Variants in LAMB2 observed in about 807,000 individuals in gnomAD.
The protein encoded by LAMB2 is laminin subunit beta-2.
LAMB2 carries 119 observed loss-of-function variants against 202.7 expected under a neutral mutation model. The observed-to-expected ratio is 0.59, with a 90% CI of 0.51 to 0.68. The LOEUF (loss-of-function observed/expected upper bound fraction) is 0.68. LAMB2 is among the 30% of genes least tolerant of loss of function. The pLI, the probability that LAMB2 is intolerant of heterozygous loss-of-function variation, is 0.00. For missense variants in LAMB2, 2,124 were observed against 2,410.6 expected, an observed-to-expected ratio of 0.88 and a Z score of 2.49; for synonymous variants, 818 against 902.2, an observed-to-expected ratio of 0.91 and a Z score of 1.67.
Position 49,128,539 on chromosome 3 carries a change from C to T in LAMB2, c.1937G>A (p.Gly646Glu), listed in dbSNP as rs773609162. The T allele has an allele frequency of 9.9e-6, 16 of 1,614,062 alleles. No homozygotes were observed. In the African/African-American group the frequency reaches 2.1e-4, roughly 22 times the overall value. The part of the protein sequence containing the change: ...AELELIVQRP[G>E]PVPAHSLCGH... ...ACACAGGCTGTGGGCAGGCACAGGC[C>T]CTGGACGCTGCACAATCAGTTCCAA... is the stretch of plus-strand genomic sequence containing the variant. The change falls in exon 15 of 32, where the codon GGG becomes GAG. Residue 646 changes from glycine to glutamate, a missense_variant. Physicochemically the swap from Gly to Glu is moderately conservative, Grantham distance 98. Around this residue, in one of 3 missense-constraint regions of LAMB2, gnomAD observed 1,702 missense variants for 1,896.3 expected, o/e 0.90. Coordinates refer to ENST00000305544, the MANE Select transcript of LAMB2 (RefSeq NM_002292.4).
Position 49,122,877 on chromosome 3 carries a change from A to G in LAMB2, c.4400T>C (p.Leu1467Pro). 1 of 1,610,736 alleles carries G rather than the reference A, an allele frequency of 6.2e-7. No homozygotes were observed. Among genetic ancestry groups the G allele is most frequent in the Non-Finnish European group, 8.5e-7 (1 of 1,179,962 alleles). ...GCTGAGGATGCTACCACCTTCTGCC[A>G]GTGCCCGCTGCAGCTCTGCCTGTGT... ...RHTQAELQRALAEGGSILSRV... is the reference protein window; with the variant it reads ...RHTQAELQRAPAEGGSILSRV... The change falls in exon 27 of 32, where the codon CTG (leucine) becomes CCG (proline). Residue 1467 changes from leucine to proline, a missense_variant. Transcript: ENST00000305544.
Position 49,132,034 on chromosome 3 carries a change from G to C in LAMB2, c.459+82C>G, listed in dbSNP as rs973415489. ...TCCTGCATCCATGCTCAAGGAGGCT[G>C]TGTTAAGGAGCTGAGGCTCTGTCCA... On this transcript the variant is annotated intron_variant, in intron 4 of 31. Coordinates refer to ENST00000305544, the MANE Select transcript of LAMB2 (RefSeq NM_002292.4). This position sits in a 1 kb window ranked among gnomAD's most constrained non-coding sequence, Gnocchi z 4.6. 4.5e-6 allele frequency: 6 copies of C among 1,332,178 alleles called. No homozygotes were observed. The highest frequency in any genetic ancestry group is 6.5e-6 in the Non-Finnish European group (6 of 924,502). The allele number at this position is 1,332,178 out of a possible 1,614,324, so 82.5% of individuals were successfully genotyped here.
In LAMB2 at chr3:49,131,584, A is replaced by G. The variant is rs1341090124; in HGVS notation, c.599T>C (p.Val200Ala). ...CTCTGAGTAGCGGGACTCACAGACTACATCATCCCAGTGCCGTGGGGGTGC... is the reference window on the plus strand; with the variant it reads ...CTCTGAGTAGCGGGACTCACAGACTGCATCATCCCAGTGCCGTGGGGGTGC... ...PLAPPRHWDD[V>A]VCESRYSEIE... The change falls in exon 5 of 32, where the codon GTA (valine) becomes GCA (alanine). Residue 200 changes from valine to alanine, a missense_variant. Coordinates refer to ENST00000305544, the MANE Select transcript of LAMB2 (RefSeq NM_002292.4). This position sits in a 1 kb window ranked among gnomAD's most constrained non-coding sequence, Gnocchi z 5.0. The G allele has an allele frequency of 1.2e-6, 2 of 1,613,882 alleles. No homozygotes were observed. The highest frequency in any genetic ancestry group is 1.1e-5 in the South Asian group (1 of 91,086).
chr3:49,131,737 C>T lies in LAMB2; in HGVS notation c.460-14G>A, dbSNP rs374647730. 2.5e-6 allele frequency: 4 copies of T among 1,612,296 alleles called. No individual in the cohort carries two copies. In the African/African-American group the frequency reaches 4.0e-5, roughly 16 times the overall value. On this transcript the variant is annotated splice_polypyrimidine_tract_variant and intron_variant, in intron 4 of 31. Coordinates refer to ENST00000305544, the MANE Select transcript of LAMB2 (RefSeq NM_002292.4). The surrounding 1 kb of genome is among the most constrained non-coding windows in gnomAD (Gnocchi z 5.0). The stretch of plus-strand genomic sequence containing the variant: ...AGGGCGAAATGTCTGGGTAGGGGGG[C>T]ATAGCTGATCAGCAGGCACCAGGAC...
rs774480061 is a variant in LAMB2, at chr3:49,131,550, T to C, written c.633A>G (p.Pro211=). ...VCESRYSEIE[P]STEGEVIYRV... is the part of the protein sequence containing the mutation. ...CAGCCCTCACCTCGCCTTCAGTGGA[T>C]GGCTCAATCTCTGAGTAGCGGGACT... Residue 211 remains proline (P), a synonymous_variant, in exon 5 of 32, where the codon CCA becomes CCG. Transcript: ENST00000305544. The surrounding 1 kb of genome is among the most constrained non-coding windows in gnomAD (Gnocchi z 5.0). 12 of 1,613,850 alleles carry C rather than the reference T, an allele frequency of 7.4e-6. No individual in the cohort carries two copies. Among genetic ancestry groups the C allele is most frequent in the Non-Finnish European group, 9.3e-6 (11 of 1,180,036 alleles).
chr3:49,125,383 A>G lies in LAMB2; in HGVS notation c.2590T>C (p.Cys864Arg). Residue 864 changes from cysteine to arginine, a missense_variant, in exon 19 of 32, where the codon TGC becomes CGC. Coordinates refer to ENST00000305544, the MANE Select transcript of LAMB2 (RefSeq NM_002292.4). ...TGAFGLRCDRCQRGQWGFPSC... is the reference protein window; with the variant it reads ...TGAFGLRCDRRQRGQWGFPSC... The stretch of plus-strand genomic sequence containing the variant: ...GGGAATCCCCACTGGCCACGCTGGC[A>G]GCGGTCACAGCGAAGCCCAAAGGCA... 1 of 1,614,088 alleles carries G rather than the reference A, an allele frequency of 6.2e-7. No homozygotes were observed. The highest frequency in any genetic ancestry group is 8.5e-7 in the Non-Finnish European group (1 of 1,180,050).
rs750261951 is a variant in LAMB2, at chr3:49,125,940, C to G, written c.2344+27G>C. ...GTCAGGCTGGGTCCCCACCTCTGCCCCATCAACCCACATCACAGACACTCA... is the reference window on the plus strand; with the variant it reads ...GTCAGGCTGGGTCCCCACCTCTGCCGCATCAACCCACATCACAGACACTCA... On this transcript the variant is annotated intron_variant, in intron 17 of 31. Transcript: ENST00000305544. 15 of 1,613,986 alleles carry G rather than the reference C, an allele frequency of 9.3e-6. No individual in the cohort carries two copies. In the African/African-American group the frequency reaches 1.6e-4, roughly 17 times the overall value.
rs1560076562 is a variant in LAMB2 at position 49,130,972 on chromosome 3, GC to G, written c.892del (p.Ala298HisfsTer72). ...HASECAPAPG[A>X]PAHAEGMVHG... is the part of the protein sequence containing the mutation. ...TACCATGCCCTCAGCATGGGCTGGT[GC>G]CCCTGGGGCGGGTGCACACTCTGAG... On this transcript the variant is annotated frameshift_variant, in exon 7 of 32. Coordinates refer to ENST00000305544, the MANE Select transcript of LAMB2 (RefSeq NM_002292.4). LOFTEE classifies it high-confidence loss of function. The surrounding 1 kb of genome is among the most constrained non-coding windows in gnomAD (Gnocchi z 5.0). 1 of 1,614,112 alleles carries G rather than the reference GC, an allele frequency of 6.2e-7. No homozygotes were observed.
rs768521540 is a variant in LAMB2 at position 49,131,590 on chromosome 3, T to C, written c.593A>G (p.Asp198Gly). The change falls in exon 5 of 32, where the codon GAT (aspartate) becomes GGT (glycine). Residue 198 changes from aspartate to glycine, a missense_variant. By Grantham distance (94) the Asp-to-Gly change is moderately conservative. Transcript: ENST00000305544. This position sits in a 1 kb window ranked among gnomAD's most constrained non-coding sequence, Gnocchi z 5.0. ...GVPLAPPRHW[D>G]DVVCESRYSE... Reference sequence around the variant, plus strand: ...GTAGCGGGACTCACAGACTACATCATCCCAGTGCCGTGGGGGTGCTAGTGG... The same window carrying C: ...GTAGCGGGACTCACAGACTACATCACCCCAGTGCCGTGGGGGTGCTAGTGG... The C allele has an allele frequency of 6.2e-6, 10 of 1,613,778 alleles. No homozygotes were observed. Among genetic ancestry groups the C allele is most frequent in the Non-Finnish European group, 7.6e-6 (9 of 1,179,998 alleles).
At chr3:49,121,631 T>C in intron 30 of LAMB2, 39 bp from the exon 31 acceptor site, 1 of 1,613,988 alleles carries the variant, frequency 6.2e-7, no homozygotes. Context: ...GGTAGCTCAG[T>C]GGAGGCCCAT....
In LAMB2 at chr3:49,132,933, T is replaced by A; in HGVS notation, c.-66A>T. 7.0e-7 allele frequency: 1 copy of A among 1,433,744 alleles called. No homozygotes were observed. Among genetic ancestry groups the A allele is most frequent in the Non-Finnish European group, 9.8e-7 (1 of 1,017,686 alleles). The allele number at this position is 1,433,744 out of a possible 1,614,324, so 88.8% of individuals were successfully genotyped here. ...CGGGCCCGAGCCCTCCTCCTTGCTTTGGGGTTCCGTGTCAACTCTGCCTGT... is the reference window on the plus strand; with the variant it reads ...CGGGCCCGAGCCCTCCTCCTTGCTTAGGGGTTCCGTGTCAACTCTGCCTGT... On this transcript the variant is annotated 5_prime_UTR_variant, in exon 1 of 32. Transcript: ENST00000305544. This position sits in a 1 kb window ranked among gnomAD's most constrained non-coding sequence, Gnocchi z 4.6.
At position 49,128,814 on chromosome 3, in the gene LAMB2, G is replaced by T. The variant is rs746407578; in HGVS notation, c.1737C>A (p.Leu579=). ...GGGTCACCAGGCGCTCCACCACATC[G>T]AGCACCTGGGAGATAATGCAGCCAG... ...WEAEDTRGQV[L]DVVERLVTPG... Residue 579 remains leucine, a synonymous_variant, in exon 14 of 32, where the codon CTC becomes CTA. Transcript: ENST00000305544. 9 of 1,612,190 alleles carry T rather than the reference G, an allele frequency of 5.6e-6. No individual in the cohort carries two copies. The highest frequency in any genetic ancestry group is 5.9e-6 in the Non-Finnish European group (7 of 1,178,722).
At chr3:49,124,363 T>A (rs1291893595) in intron 22 of LAMB2, 32 bp downstream of exon 22, 1 of 1,613,048 alleles carries the variant, frequency 6.2e-7, no homozygotes, top group South Asian at 1.1e-5. Context: ...CCTGGCCCCA[T>A]CTAACCAGGG....
intron 27 of LAMB2, 71 bp downstream of exon 27, chr3:49,122,633 C>T: frequency 2.3e-6 from 3 of 1,294,026 alleles, no homozygotes; most frequent in Non-Finnish European, 2.3e-6. Context: ...AAGTATGAAC[C>T]AAGGGAGATA....
At chr3:49,124,314 G>A in intron 22 of LAMB2, 28 bp from the exon 23 acceptor site, 3 of 1,613,558 alleles carry the variant, frequency 1.9e-6, no homozygotes, top group Non-Finnish European at 2.5e-6. Flanking sequence ...CAGGGTCAGA[G>A]CCTCTATAAG....
Position 49,124,570 on chromosome 3 carries a change from G to A in LAMB2, c.3152C>T (p.Pro1051Leu), listed in dbSNP as rs543606035. ...ATCACAGTGGCACTGGTCAGGAGATGGGCACTGCTGCGGATTTGTGCCCAG... is the reference window on the plus strand; with the variant it reads ...ATCACAGTGGCACTGGTCAGGAGATAGGCACTGCTGCGGATTTGTGCCCAG... ...NLLGTNPQQC[P>L]SPDQCHCDPS... Residue 1051 changes from proline to leucine, a missense_variant, in exon 22 of 32, where the codon CCA becomes CTA. Coordinates refer to ENST00000305544, the MANE Select transcript of LAMB2 (RefSeq NM_002292.4). 2.9e-4 allele frequency: 474 copies of A among 1,613,750 alleles called. 11 individuals carry two copies. The South Asian group carries it at 5.2e-3, about 18-fold the overall frequency.
rs781092208 is a variant in LAMB2, at chr3:49,121,337, A to G, written c.5286T>C (p.Asn1762=). 73 of 1,613,296 alleles carry G rather than the reference A, an allele frequency of 4.5e-5. No homozygotes were observed. The highest frequency in any genetic ancestry group is 4.0e-4 in the Admixed American group (24 of 59,958). ...LQELEGTYEE[N]ERALESKAAQ... ...CTGCCTTACTCTCCAGTGCCCGCTC[A>G]TTTTCCTCATAGGTGCCTTCCAATT... is the stretch of plus-strand genomic sequence containing the variant. Residue 1762 remains asparagine (N), a synonymous_variant, in exon 32 of 32, where the codon AAT becomes AAC. Transcript: ENST00000305544.
chr3:49,125,623 C>G, intron 18 of LAMB2, 124 bp downstream of exon 18: 1 of 1,438,836 alleles, frequency 7.0e-7, no homozygotes, highest in South Asian at 1.3e-5. Flanking sequence ...ACAACTGACC[C>G]AGGTTGAGAG....
Position 49,124,250 on chromosome 3 carries a change from C to T in LAMB2, c.3364G>A (p.Gly1122Arg), listed in dbSNP as rs1480065273. 1 of 1,613,970 alleles carries T rather than the reference C, an allele frequency of 6.2e-7. No homozygotes were observed. Among genetic ancestry groups the T allele is most frequent in the Non-Finnish European group, 8.5e-7 (1 of 1,179,946 alleles). The part of the protein sequence containing the change: ...GQCHCRAGFG[G>R]RTCSECQELH... The stretch of plus-strand genomic sequence containing the variant: ...TCTTGGCACTCAGAACAAGTCCGCC[C>T]TCCAAAGCCGGCACGGCAGTGGCAC... The change falls in exon 23 of 32, where the codon GGG (glycine) becomes AGG (arginine). Residue 1122 changes from glycine (G) to arginine (R), a missense_variant. This residue lies in a region of LAMB2 where 1,702 missense variants were observed against 1,896.3 expected (regional missense o/e 0.90). Coordinates refer to ENST00000305544, the MANE Select transcript of LAMB2 (RefSeq NM_002292.4).
Sources: allele counts gnomAD v4.1 joint callset, GRCh38; gene constraint gnomAD v4.1.1; regional missense constraint gnomAD v4.1.1; non-coding constraint Gnocchi (gnomAD v3.1); transcripts MANE v1.5; gene names NCBI Gene and HGNC (gene_info 2026-07-23, HGNC 2026-07-21).